The following PCDHGB6 variants were observed in gnomAD, a reference collection of about 807,000 sequenced individuals.
PCDHGB6 encodes protocadherin gamma-B6.
PCDHGB6 carries 51 observed loss-of-function variants against 59.1 expected under a neutral mutation model. The ratio of observed to expected loss-of-function variants is 0.86; its 90% CI spans 0.69 to 1.09. PCDHGB6 has a LOEUF of 1.09. Among genes scored for constraint, PCDHGB6 ranks in the 50% least tolerant of loss-of-function variants. The pLI is 0.00. For synonymous variants in PCDHGB6, 466 were observed against 495.1 expected (o/e 0.94, Z 0.78); for missense variants, 1,148 against 1,205.1 (o/e 0.95, Z 0.70).
Position 141,431,954 on chromosome 5 carries a change from G to T in PCDHGB6, c.2418+21334G>T. On this transcript the variant is annotated intron_variant, in intron 1 of 3. Coordinates refer to ENST00000520790, the MANE Select transcript of PCDHGB6 (RefSeq NM_018926.3). The surrounding 1 kb of genome is among the most constrained non-coding windows in gnomAD (Gnocchi z 4.8). Reference sequence around the variant, plus strand: ...GCCCTTTAAATTAGAAAAATCTTACGGAAATTACTATAGTTTAGTCACAGA... The same window carrying T: ...GCCCTTTAAATTAGAAAAATCTTACTGAAATTACTATAGTTTAGTCACAGA... The T allele has an allele frequency of 6.2e-7, 1 of 1,614,110 alleles. No homozygotes were observed. Among genetic ancestry groups the T allele is most frequent in the Non-Finnish European group, 8.5e-7 (1 of 1,180,010 alleles).
At position 141,409,164 on chromosome 5, in the gene PCDHGB6, C is replaced by T. The variant is rs115772303; in HGVS notation, c.962C>T (p.Ala321Val). ...DVERYTMEVE[A>V]KDGGGLSTQC... ...GAAAGGTACACCATGGAAGTGGAAG[C>T]GAAGGACGGAGGTGGTCTCTCTACC... Residue 321 changes from alanine to valine, a missense_variant, in exon 1 of 4, where the codon GCG becomes GTG. Ala to Val is a moderately conservative substitution (Grantham distance 64, BLOSUM62 0). Around this residue, in one of 5 missense-constraint regions of PCDHGB6, gnomAD observed 549 missense variants for 527.5 expected, o/e 1.04. Transcript: ENST00000520790. 2.0e-3 allele frequency: 3,227 copies of T among 1,613,908 alleles called. 51 individuals are homozygous for T. In the African/African-American group the frequency reaches 0.029, roughly 14 times the overall value.
intron 1 of PCDHGB6, chr5:141,428,158 G>A: frequency 6.3e-7 from 1 of 1,577,728 alleles, no homozygotes; most frequent in Non-Finnish European, 8.7e-7. Context: ...GGAACCTGCT[G>A]GTTGCTGTGC....
chr5:141,440,444 C>G (rs2098178389), intron 1 of PCDHGB6: 1 of 152,038 alleles, frequency 6.6e-6, no homozygotes, highest in Admixed American at 6.6e-5. Context: ...AAGGCGCCAT[C>G]TCAAAAAAAA....
At chr5:141,427,484 T>C (rs766997973) in intron 1 of PCDHGB6, 7 of 539,726 alleles carry the variant, frequency 1.3e-5, no homozygotes, top group Non-Finnish European at 2.5e-5. Context: ...ATAATGACTA[T>C]AAGCTTGTAA....
intron 1 of PCDHGB6, among the ~76,000 whole-genome samples, chr5:141,429,564 C>A (rs995466828): frequency 2.0e-5 from 3 of 152,092 alleles, no homozygotes; most frequent in African/African-American, 7.2e-5. Flanking sequence ...TGATAATATT[C>A]AGTTACATTT....
chr5:141,477,992 G>T lies in PCDHGB6; in HGVS notation c.2419-16815G>T. The T allele has an allele frequency of 6.2e-7, 1 of 1,614,108 alleles. No individual in the cohort carries two copies. Among genetic ancestry groups the T allele is most frequent in the Non-Finnish European group, 8.5e-7 (1 of 1,180,024 alleles). On this transcript the variant is annotated intron_variant, in intron 1 of 3. Transcript: ENST00000520790. The surrounding 1 kb of genome is among the most constrained non-coding windows in gnomAD (Gnocchi z 4.9). Reference sequence around the variant, plus strand: ...CCTTTTTGCCATAGGGCTGCACACTGGTCAAATCAGTACTGCCCGTCCAGT... The same window carrying T: ...CCTTTTTGCCATAGGGCTGCACACTTGTCAAATCAGTACTGCCCGTCCAGT...
At chr5:141,500,721 ATG>A (rs1209024560) in intron 2 of PCDHGB6, among the ~76,000 whole-genome samples, 1 of 152,088 alleles carries the variant, frequency 6.6e-6, no homozygotes, top group African/African-American at 2.4e-5. Context: ...GAATTTCCCC[ATG>A]TCTTTCAAAA....
chr5:141,511,351 C>T lies in PCDHGB6; in HGVS notation c.*178C>T. The T allele has an allele frequency of 3.6e-6, 5 of 1,386,550 alleles. No individual in the cohort carries two copies. Among genetic ancestry groups the T allele is most frequent in the South Asian group, 1.5e-5 (1 of 67,154 alleles). The allele number at this position is 1,386,550 out of a possible 1,614,324, so 85.9% of individuals were successfully genotyped here. On this transcript the variant is annotated 3_prime_UTR_variant, in exon 4 of 4. Transcript: ENST00000520790. ...CCAGTCAGCACCTACCCCTTCCCCC[C>T]CAGGGGGTTGAATATGCAAAAGCAG...
chr5:141,463,364 T>C (rs1166107031), intron 1 of PCDHGB6, among the ~76,000 whole-genome samples: 2 of 150,250 alleles, frequency 1.3e-5, no homozygotes, highest in Admixed American at 6.6e-5. Context: ...TCCCCTTTCC[T>C]GCCCCACAGT....
At chr5:141,479,241 G>T (rs2099490987) in intron 1 of PCDHGB6, 1 of 152,174 alleles carries the variant, frequency 6.6e-6, no homozygotes, top group Admixed American at 6.5e-5. Context: ...CAAACCCAAA[G>T]ATAACCATTT....
rs754536860 is a variant in PCDHGB6, at chr5:141,432,221, A to G, written c.2418+21601A>G. The G allele has an allele frequency of 2.5e-6, 4 of 1,614,190 alleles. No homozygotes were observed. The South Asian group carries it at 4.4e-5, about 18-fold the overall frequency. ...CGACTGTGAAGAGAACGCCCAGATC[A>G]CTTATTCCCTGGCTGAGAACACCAT... On this transcript the variant is annotated intron_variant, in intron 1 of 3. Coordinates refer to ENST00000520790, the MANE Select transcript of PCDHGB6 (RefSeq NM_018926.3). The surrounding 1 kb of genome is among the most constrained non-coding windows in gnomAD (Gnocchi z 6.0).
intron 1 of PCDHGB6, among the ~76,000 whole-genome samples, chr5:141,447,493 T>A (rs538320272): frequency 3.3e-5 from 5 of 152,186 alleles, no homozygotes; most frequent in East Asian, 1.9e-4. Flanking sequence ...AGAAGGAATG[T>A]TTAGGATAAA....
intron 2 of PCDHGB6, among the ~76,000 whole-genome samples, chr5:141,495,262 A>G (rs550950979): frequency 1.3e-5 from 2 of 152,246 alleles, no homozygotes; most frequent in South Asian, 2.1e-4. Flanking sequence ...GCAGAAAAGC[A>G]TTTGACCGGA....
intron 1 of PCDHGB6, among the ~76,000 whole-genome samples, chr5:141,435,539 C>T (rs75717921): frequency 1.3e-5 from 2 of 152,226 alleles, no homozygotes; most frequent in South Asian, 4.1e-4. Flanking sequence ...TCAGAATTAA[C>T]AAAATGTGTT....
chr5:141,457,937 G>A (rs916509260), intron 1 of PCDHGB6, among the ~76,000 whole-genome samples: 1 of 152,166 alleles, frequency 6.6e-6, no homozygotes, highest in African/African-American at 2.4e-5. Flanking sequence ...GGCTTTTATT[G>A]GCTCTGCATG....
chr5:141,426,559 C>T (rs1401963895), intron 1 of PCDHGB6: 1 of 353,038 alleles, frequency 2.8e-6, no homozygotes, highest in Non-Finnish European at 5.6e-6. Context: ...CAGAATAGAT[C>T]GAGAGTCACT....
At chr5:141,502,866 C>CTTTTTTTTTTTTTTTT (rs549047197) in intron 2 of PCDHGB6, among the ~76,000 whole-genome samples, 4 of 128,044 alleles carry the variant, frequency 3.1e-5, no homozygotes, top group African/African-American at 3.1e-5. Context: ...GACTCTCTGT[C>CTTTTTTTTTTTTTTTT]TTTTTTTTTT....
chr5:141,491,327 T>C lies in PCDHGB6; in HGVS notation c.2419-3480T>C, dbSNP rs1422115943. ...TCAGACCTTACCCTTTACCTCATTG[T>C]GGCTCTAGCGACCGTCAGTCTCTTA... is the stretch of plus-strand genomic sequence containing the variant. On this transcript the variant is annotated intron_variant, in intron 1 of 3. Coordinates refer to ENST00000520790, the MANE Select transcript of PCDHGB6 (RefSeq NM_018926.3). This position sits in a 1 kb window ranked among gnomAD's most constrained non-coding sequence, Gnocchi z 6.9. 5.6e-6 allele frequency: 9 copies of C among 1,614,098 alleles called. No homozygotes were observed. Among genetic ancestry groups the C allele is most frequent in the Admixed American group, 3.3e-5 (2 of 60,006 alleles).
intron 1 of PCDHGB6, among the ~76,000 whole-genome samples, chr5:141,481,241 A>C (rs557107835): frequency 2.0e-5 from 3 of 152,350 alleles, no homozygotes; most frequent in South Asian, 2.1e-4. Flanking sequence ...AGTATTACAT[A>C]GCATAGCTCT....
Sources: gnomAD v4.1 joint callset for allele counts (sites outside exome capture counted in the v4.1 genomes callset) on GRCh38, gnomAD v4.1.1 for gene constraint, gnomAD v4.1.1 regional missense constraint, Gnocchi (gnomAD v3.1) non-coding constraint, MANE v1.5 for transcripts, NCBI Gene and HGNC (gene_info 2026-07-23, HGNC 2026-07-21) for gene names.